Variants in KIF9 observed in about 807,000 individuals in gnomAD.
The protein encoded by KIF9 is kinesin family member 9, also known as kinesin-like protein KIF9.
Under a neutral mutation model 94.8 loss-of-function variants are expected in KIF9, and 68 were observed. That is an observed-to-expected ratio of 0.72 (90% CI 0.59 to 0.88). KIF9 has a LOEUF of 0.88. KIF9 is among the 40% of genes least tolerant of loss of function. The pLI is 0.00. For missense variants in KIF9, 882 were observed against 982.5 expected, an observed-to-expected ratio of 0.90 and a Z score of 1.37; for synonymous variants, 343 against 362.1, an observed-to-expected ratio of 0.95 and a Z score of 0.60.
Position 47,241,884 on chromosome 3 carries a change from A to T in KIF9, c.1710-869T>A, listed in dbSNP as rs868311522. Reference sequence around the variant, plus strand: ...TATACACATATATATATATATATATATTTTTTTTTTTTTTTCTTTGGAGAC... The same window carrying T: ...TATACACATATATATATATATATATTTTTTTTTTTTTTTTTCTTTGGAGAC... On this transcript the variant is annotated intron_variant, in intron 16 of 20. Coordinates refer to ENST00000684063, the MANE Select transcript of KIF9 (RefSeq NM_182902.4). Among the ~76,000 whole-genome samples, 443 of 114,214 alleles carry T rather than the reference A, an allele frequency of 3.9e-3. 6 individuals carry two copies. The highest frequency in any genetic ancestry group is 0.013 in the African/African-American group (350 of 27,928). 74.9% of individuals were successfully genotyped at this position (114,214 alleles called of 152,430 possible). A position where few individuals can be genotyped will look rare whatever the true frequency, so the allele number is the denominator to read the frequency against.
At chr3:47,245,092 T>G in intron 14 of KIF9, 168 bp from the exon 15 acceptor site, 1 of 812,940 alleles carries the variant, frequency 1.2e-6, no homozygotes, top group African/African-American at 1.7e-5. Context: ...GAGCGGTCCC[T>G]GACCACTCTG....
chr3:47,280,167 A>G (rs1360488926), intron 1 of KIF9, among the ~76,000 whole-genome samples: 1 of 152,096 alleles, frequency 6.6e-6, no homozygotes, highest in South Asian at 2.1e-4. Context: ...CATGTTGCCC[A>G]GGCTGGTCTC....
At chr3:47,257,988 T>A (rs1048090211) in intron 9 of KIF9, among the ~76,000 whole-genome samples, 1 of 152,160 alleles carries the variant, frequency 6.6e-6, no homozygotes, top group Non-Finnish European at 1.5e-5. Context: ...CTGGTTTTCC[T>A]TCACATGAAA....
intron 10 of KIF9, among the ~76,000 whole-genome samples, chr3:47,256,527 C>T (rs1700616314): frequency 6.7e-6 from 1 of 149,564 alleles, no homozygotes; most frequent in South Asian, 2.1e-4. Context: ...GTGGGGGGGT[C>T]GGCCCCCCGC....
At chr3:47,272,908 C>CA (rs1233411830) in intron 4 of KIF9, among the ~76,000 whole-genome samples, 1 of 152,068 alleles carries the variant, frequency 6.6e-6, no homozygotes, top group Non-Finnish European at 1.5e-5. Flanking sequence ...GACAGGGCTG[C>CA]AAAAAATCCT....
intron 16 of KIF9, among the ~76,000 whole-genome samples, chr3:47,241,878 ATATATATTTTT>A (rs1365769019): frequency 1.9e-5 from 2 of 103,352 alleles, no homozygotes; most frequent in Admixed American, 2.5e-4. Context: ...ATATATATAT[ATATATATTTTT>A]TTTTTTTTTT....
intron 8 of KIF9, among the ~76,000 whole-genome samples, chr3:47,264,844 T>C (rs1192027047): frequency 6.6e-6 from 1 of 152,192 alleles, no homozygotes; most frequent in African/African-American, 2.4e-5. Flanking sequence ...TTTGGTTTAG[T>C]TGAAGTCAGA....
chr3:47,271,263 C>G lies in KIF9; in HGVS notation c.565G>C (p.Glu189Gln), dbSNP rs767583712. The G allele has an allele frequency of 1.9e-6, 3 of 1,613,794 alleles. No individual in the cohort carries two copies. The South Asian group carries it at 3.3e-5, about 18-fold the overall frequency. The change falls in exon 5 of 21, where the codon GAG (glutamate) becomes CAG (glutamine). Residue 189 changes from glutamate to glutamine, a missense_variant. Physicochemically the swap from Glu to Gln is conservative, Grantham distance 29. Coordinates refer to ENST00000684063, the MANE Select transcript of KIF9 (RefSeq NM_182902.4). ...GLSVHLTSQE[E>Q]DAFSLLFEGE... The stretch of plus-strand genomic sequence containing the variant: ...TCAAAAAGGAGGCTGAATGCATCCT[C>G]CTCCTGACTTGTGAGGTGAACTGAC...
At chr3:47,257,803 T>G (rs921361668) in intron 9 of KIF9, among the ~76,000 whole-genome samples, 3 of 152,206 alleles carry the variant, frequency 2.0e-5, no homozygotes, top group African/African-American at 7.2e-5. Flanking sequence ...ATGTAGACTG[T>G]GAGGATGCGC....
intron 2 of KIF9, among the ~76,000 whole-genome samples, 168 bp from the exon 3 acceptor site, chr3:47,275,658 G>T (rs1701920135): frequency 6.6e-6 from 1 of 152,196 alleles, no homozygotes; most frequent in South Asian, 2.1e-4. Flanking sequence ...CTTTGGGATG[G>T]GAGAAGAGAG....
intron 3 of KIF9, among the ~76,000 whole-genome samples, chr3:47,274,017 G>T (rs1229837045): frequency 6.6e-6 from 1 of 152,202 alleles, no homozygotes; most frequent in Non-Finnish European, 1.5e-5. Flanking sequence ...TTAGACTCCA[G>T]CCCTTCTCTA....
intron 3 of KIF9, 87 bp from the exon 4 acceptor site, chr3:47,273,745 G>A: frequency 1.7e-6 from 2 of 1,209,734 alleles, no homozygotes; most frequent in Non-Finnish European, 2.4e-6. Context: ...GTGCCAGCCA[G>A]GGCCCTTTGC....
chr3:47,264,194 A>G, intron 9 of KIF9, 92 bp downstream of exon 9: 1 of 954,044 alleles, frequency 1.0e-6, no homozygotes, highest in African/African-American at 1.6e-5. Context: ...GTCTATGGCC[A>G]CTGTGCCAGG....
chr3:47,280,138 T>G lies in KIF9; in HGVS notation c.-6+2357A>C, dbSNP rs150863505. 3.4e-3 allele frequency among the ~76,000 whole-genome samples: 511 copies of G among 151,846 alleles called. 5 individuals are homozygous for G. Among genetic ancestry groups the G allele is most frequent in the Middle Eastern group, 0.031 (9 of 290 alleles). On this transcript the variant is annotated intron_variant, in intron 1 of 20. Transcript: ENST00000684063. The stretch of plus-strand genomic sequence containing the variant: ...ACACCCGGCTAACGTTTTGCAATTT[T>G]GTAGAGATGGGGTTTCAACATGTTG...
chr3:47,245,652 CA>C, intron 13 of KIF9, 141 bp from the exon 14 acceptor site: 1 of 666,806 alleles, frequency 1.5e-6, no homozygotes, highest in East Asian at 2.7e-5. Flanking sequence ...CCAGACCAGA[CA>C]AAAGGACAAA....
At chr3:47,281,325 CTTTTTT>C (rs895832184) in intron 1 of KIF9, 1 of 349,654 alleles carries the variant, frequency 2.9e-6, no homozygotes, top group South Asian at 5.2e-5. Flanking sequence ...TCACCACACG[CTTTTTT>C]TGTTTTTGTT....
At chr3:47,230,503 C>T (rs1312579616) in intron 20 of KIF9, among the ~76,000 whole-genome samples, 27 of 152,178 alleles carry the variant, frequency 1.8e-4, no homozygotes, top group Admixed American at 1.4e-3. Flanking sequence ...GAGGTCGAGG[C>T]GGGTGGATCA....
Position 47,244,796 on chromosome 3 carries a change from TG to T in KIF9, c.1508del (p.Pro503HisfsTer15). On this transcript the variant is annotated frameshift_variant, in exon 15 of 21. Transcript: ENST00000684063. LOFTEE classifies it high-confidence loss of function. ...KAKSKKTFKE[P>X]LSSLARKEGA... is the part of the protein sequence containing the mutation. ...AGAGCGGCAAGGTCACTCACCTGAGTGGCTCTTTGAATGTCTTCTTGGACTT... is the reference window on the plus strand; with the variant it reads ...AGAGCGGCAAGGTCACTCACCTGAGTGCTCTTTGAATGTCTTCTTGGACTT... The T allele has an allele frequency of 6.2e-7, 1 of 1,613,806 alleles. No individual in the cohort carries two copies. Among genetic ancestry groups the T allele is most frequent in the Non-Finnish European group, 8.5e-7 (1 of 1,180,012 alleles).
At chr3:47,260,119 C>A (rs1453877048) in intron 9 of KIF9, among the ~76,000 whole-genome samples, 1 of 129,196 alleles carries the variant, frequency 7.7e-6, no homozygotes, top group African/African-American at 3.0e-5. Flanking sequence ...CGCCTTAGGG[C>A]TGGAGGTGGG....
Sources: allele counts gnomAD v4.1 joint callset (sites outside exome capture counted in the v4.1 genomes callset), GRCh38; gene constraint gnomAD v4.1.1; transcripts MANE v1.5; gene names NCBI Gene and HGNC (gene_info 2026-07-23, HGNC 2026-07-21).